Variants in RABGAP1L observed in about 807,000 individuals in gnomAD.
The protein encoded by RABGAP1L is rab GTPase-activating protein 1-like.
In RABGAP1L, 63 loss-of-function variants were observed where a neutral mutation model predicts 137.7. The ratio of observed to expected loss-of-function variants is 0.46; its 90% CI spans 0.37 to 0.56. The LOEUF (loss-of-function observed/expected upper bound fraction) is 0.56, where lower values mean the gene tolerates loss of function less well. RABGAP1L is among the 20% of genes least tolerant of loss of function. The pLI is 0.00. For synonymous variants in RABGAP1L, 431 were observed against 433.7 expected, an observed-to-expected ratio of 0.99 and a Z score of 0.08; for missense variants, 1,095 against 1,244.0, an observed-to-expected ratio of 0.88 and a Z score of 1.80.
rs1672033500 is a variant in RABGAP1L, at chr1:174,243,865, G to T, written c.717+2208G>T. Reference sequence around the variant, plus strand: ...GTTTTAAGTTGAAGTCTTTGACTTTGAAGAGCCATACAGTTTTCAGTAACA... The same window carrying T: ...GTTTTAAGTTGAAGTCTTTGACTTTTAAGAGCCATACAGTTTTCAGTAACA... On this transcript the variant is annotated intron_variant, in intron 5 of 25. Coordinates refer to ENST00000681986, the MANE Select transcript of RABGAP1L (RefSeq NM_001366446.1). 2.0e-5 allele frequency among the ~76,000 whole-genome samples: 3 copies of T among 152,162 alleles called. No individual in the cohort carries two copies. The South Asian group carries it at 6.2e-4, about 31-fold the overall frequency.
chr1:174,504,184 G>C (rs1661605604), intron 13 of RABGAP1L, among the ~76,000 whole-genome samples: 2 of 151,558 alleles, frequency 1.3e-5, no homozygotes, highest in South Asian at 4.2e-4. Context: ...TGTTGCCCAG[G>C]CTTGTCTCCA....
At chr1:174,204,360 A>C (rs1018816315) in intron 1 of RABGAP1L, among the ~76,000 whole-genome samples, 6 of 152,160 alleles carry the variant, frequency 3.9e-5, no homozygotes, top group Admixed American at 6.6e-5. Context: ...ATCTGTAAAC[A>C]GAGATAGTTT....
chr1:174,453,837 T>A (rs1389482948), intron 13 of RABGAP1L, among the ~76,000 whole-genome samples: 1 of 152,216 alleles, frequency 6.6e-6, no homozygotes, highest in Non-Finnish European at 1.5e-5. Context: ...CTTTTTTCAA[T>A]AGTAAAAGTG....
intron 19 of RABGAP1L, among the ~76,000 whole-genome samples, chr1:174,856,680 A>G (rs896587997): frequency 5.3e-5 from 8 of 151,956 alleles, no homozygotes; most frequent in Non-Finnish European, 4.4e-5. Context: ...TAATCCCAGC[A>G]CTTTGGGAGG....
At chr1:174,765,963 G>A (rs551795559) in intron 18 of RABGAP1L, among the ~76,000 whole-genome samples, 1 of 152,146 alleles carries the variant, frequency 6.6e-6, no homozygotes, top group South Asian at 2.1e-4. Context: ...TGTTGAAGTC[G>A]TAACCCCTAG....
chr1:174,967,292 T>C (rs1403869602), intron 20 of RABGAP1L, among the ~76,000 whole-genome samples: 1 of 151,302 alleles, frequency 6.6e-6, no homozygotes, highest in Admixed American at 6.6e-5. Flanking sequence ...GCCTCCCCAG[T>C]AGCTGGGATC....
At chr1:174,837,193 G>A (rs1692845908) in intron 19 of RABGAP1L, among the ~76,000 whole-genome samples, 1 of 140,688 alleles carries the variant, frequency 7.1e-6, no homozygotes, top group African/African-American at 2.7e-5. Flanking sequence ...GGCAACAAGA[G>A]CAAAACTCGG....
chr1:174,711,578 T>C (rs1203092030), intron 17 of RABGAP1L, among the ~76,000 whole-genome samples: 1 of 152,114 alleles, frequency 6.6e-6, no homozygotes, highest in Non-Finnish European at 1.5e-5. Flanking sequence ...CCCCCAGCAC[T>C]GCTGGCCCAC....
intron 13 of RABGAP1L, among the ~76,000 whole-genome samples, chr1:174,433,553 A>G (rs1437322935): frequency 6.6e-6 from 1 of 152,202 alleles, no homozygotes; most frequent in Non-Finnish European, 1.5e-5. Context: ...TAGCTAGGGC[A>G]GTCTCAAAGT....
chr1:174,947,159 T>A, intron 19 of RABGAP1L, among the ~76,000 whole-genome samples: 1 of 150,692 alleles, frequency 6.6e-6, no homozygotes, highest in Non-Finnish European at 1.5e-5. Flanking sequence ...TAAAATTATA[T>A]AGCTAGTATT....
chr1:174,181,527 T>C (rs1024108388), intron 1 of RABGAP1L, among the ~76,000 whole-genome samples: 3 of 151,932 alleles, frequency 2.0e-5, no homozygotes, highest in African/African-American at 7.3e-5. Context: ...TTAGTAGAGA[T>C]GGGGTTTCAC....
At chr1:174,713,359 T>C (rs1055026610) in intron 17 of RABGAP1L, among the ~76,000 whole-genome samples, 6 of 152,228 alleles carry the variant, frequency 3.9e-5, no homozygotes, top group African/African-American at 9.6e-5. Flanking sequence ...CAGTCTGATA[T>C]GGTTTTGATA....
At chr1:174,362,461 A>G (rs186118764) in intron 11 of RABGAP1L, among the ~76,000 whole-genome samples, 53 of 152,262 alleles carry the variant, frequency 3.5e-4, no homozygotes, top group African/African-American at 1.0e-3. Context: ...TGACTTTTTA[A>G]TAATAGCCAT....
intron 13 of RABGAP1L, among the ~76,000 whole-genome samples, chr1:174,446,808 T>C (rs1203722884): frequency 3.3e-5 from 5 of 152,162 alleles, no homozygotes; most frequent in African/African-American, 9.7e-5. Context: ...TCAGAAGATA[T>C]AGTTGAAGTA....
At chr1:174,616,905 A>C (rs887792988) in intron 13 of RABGAP1L, among the ~76,000 whole-genome samples, 3 of 152,204 alleles carry the variant, frequency 2.0e-5, no homozygotes, top group Admixed American at 1.3e-4. Context: ...TGATTCTTAT[A>C]ATTAGTAAGG....
chr1:174,755,402 G>A (rs994478875), intron 18 of RABGAP1L, among the ~76,000 whole-genome samples: 3 of 152,212 alleles, frequency 2.0e-5, no homozygotes, highest in African/African-American at 7.2e-5. Flanking sequence ...ATAGACTGGA[G>A]ATGATCAGTC....
Position 174,591,025 on chromosome 1 carries a change from T to C in RABGAP1L, c.1711-46350T>C, listed in dbSNP as rs1409775295. Among the ~76,000 whole-genome samples, 9 of 65,634 alleles carry C rather than the reference T, an allele frequency of 1.4e-4. 1 individual carries two copies. The highest frequency in any genetic ancestry group is 8.8e-4 in the African/African-American group (9 of 10,206). The allele number at this position is 65,634 out of a possible 152,430, so 43.1% of individuals were successfully genotyped here. A position where few individuals can be genotyped will look rare whatever the true frequency, so the allele number is the denominator to read the frequency against. ...TCTCCAGCACCTGTTGTTTCCTGAC[T>C]TTTTAATGATCGCCATTCTAACTGG... On this transcript the variant is annotated intron_variant, in intron 13 of 25. Coordinates refer to ENST00000681986, the MANE Select transcript of RABGAP1L (RefSeq NM_001366446.1).
At chr1:174,663,450 G>A (rs1345679339) in intron 14 of RABGAP1L, among the ~76,000 whole-genome samples, 1 of 152,122 alleles carries the variant, frequency 6.6e-6, no homozygotes, top group East Asian at 1.9e-4. Context: ...ATACCATATA[G>A]CCTACATGTG....
intron 13 of RABGAP1L, among the ~76,000 whole-genome samples, chr1:174,616,502 A>G (rs535965400): frequency 6.6e-6 from 1 of 152,300 alleles, no homozygotes; most frequent in African/African-American, 2.4e-5. Flanking sequence ...AAACAAAGTA[A>G]ATAAGAATTG....
Sources: allele counts gnomAD v4.1 joint callset (sites outside exome capture counted in the v4.1 genomes callset), GRCh38; gene constraint gnomAD v4.1.1; transcripts MANE v1.5; gene names NCBI Gene and HGNC (gene_info 2026-07-23, HGNC 2026-07-21).